FPGT: variants seen among roughly 807,000 people sequenced by gnomAD.
FPGT encodes fucose-1-phosphate guanylyltransferase, also known as GDP-L-fucose diphosphorylase.
A neutral mutation model predicts 45.8 loss-of-function variants in FPGT; 41 were observed. That is an observed-to-expected ratio of 0.90 (90% CI 0.70 to 1.16). The LOEUF (loss-of-function observed/expected upper bound fraction) is 1.16. Among genes scored for constraint, FPGT ranks in the 50% most tolerant of loss-of-function variants. FPGT has a pLI of 0.00. For synonymous variants in FPGT, 292 were observed against 247.2 expected (o/e 1.18, Z -1.70); for missense variants, 755 against 689.1 (o/e 1.10, Z -1.07).
chr1:74,207,886 A>G lies in FPGT; in HGVS notation c.*2054A>G, dbSNP rs1467784007. 6.6e-6 allele frequency among the ~76,000 whole-genome samples: 1 copy of G among 152,058 alleles called. No homozygotes were observed. The highest frequency in any genetic ancestry group is 1.5e-5 in the Non-Finnish European group (1 of 67,962). On this transcript the variant is annotated 3_prime_UTR_variant, in exon 4 of 4. Transcript: ENST00000370898. ...GTATTTTAACCTAATCTGAATTTTAATCATAATCCTGTACAATGCATGGAT... is the reference window on the plus strand; with the variant it reads ...GTATTTTAACCTAATCTGAATTTTAGTCATAATCCTGTACAATGCATGGAT...
chr1:74,198,411 T>G, intron 1 of FPGT, 51 bp downstream of exon 1: 1 of 1,603,984 alleles, frequency 6.2e-7, no homozygotes. Flanking sequence ...GGGAGGGTGC[T>G]TTTACGTGCC....
In FPGT at chr1:74,198,379, G is replaced by A. The variant is rs1651413912; in HGVS notation, c.82+19G>A. The A allele has an allele frequency of 6.2e-7, 1 of 1,613,940 alleles. No individual in the cohort carries two copies. Among genetic ancestry groups the A allele is most frequent in the South Asian group, 1.1e-5 (1 of 91,046 alleles). On this transcript the variant is annotated intron_variant, in intron 1 of 3. Coordinates refer to ENST00000370898, the MANE Select transcript of FPGT (RefSeq NM_003838.5). ...CTAAGAGGTACCAGAGAAGGCACCG[G>A]AGTTCTCCTGGGCAATGCAGAGGGA...
chr1:74,204,898 TA>T lies in FPGT; in HGVS notation c.852del (p.Leu284PhefsTer8). On this transcript the variant is annotated frameshift_variant, in exon 4 of 4. Coordinates refer to ENST00000370898, the MANE Select transcript of FPGT (RefSeq NM_003838.5). LOFTEE classifies it high-confidence loss of function. ...ATGGATCATAAATCAGCAAAAATGT[TA>T]CTTGCTTTTTATGAAAAAATAGGCA... ...FYMDHKSAKM[L>X]LAFYEKIGTL... The T allele has an allele frequency of 1.2e-6, 2 of 1,613,800 alleles. No homozygotes were observed. The highest frequency in any genetic ancestry group is 1.7e-6 in the Non-Finnish European group (2 of 1,179,870).
chr1:74,198,371 A>G lies in FPGT; in HGVS notation c.82+11A>G. ...TTTCCGAGCTAAGAGGTACCAGAGA[A>G]GGCACCGGAGTTCTCCTGGGCAATG... On this transcript the variant is annotated intron_variant, in intron 1 of 3. Transcript: ENST00000370898. The G allele has an allele frequency of 6.2e-7, 1 of 1,614,108 alleles. No homozygotes were observed. Among genetic ancestry groups the G allele is most frequent in the Non-Finnish European group, 8.5e-7 (1 of 1,179,998 alleles).
rs1243623155 is a variant in FPGT, at chr1:74,205,882, A to T, written c.*50A>T. ...TGCCTTTTTGAGTAACATTCCAGAGATAGGTATTTTTTGTAGGCTGTTTCA... is the reference window on the plus strand; with the variant it reads ...TGCCTTTTTGAGTAACATTCCAGAGTTAGGTATTTTTTGTAGGCTGTTTCA... On this transcript the variant is annotated 3_prime_UTR_variant, in exon 4 of 4. Coordinates refer to ENST00000370898, the MANE Select transcript of FPGT (RefSeq NM_003838.5). The T allele has an allele frequency of 9.3e-7, 1 of 1,071,478 alleles. No individual in the cohort carries two copies. The highest frequency in any genetic ancestry group is 2.3e-5 in the Admixed American group (1 of 43,524). 66.4% of individuals were successfully genotyped at this position (1,071,478 alleles called of 1,614,324 possible).
At chr1:74,199,538 C>A in intron 1 of FPGT, 126 bp from the exon 2 acceptor site, 1 of 1,062,572 alleles carries the variant, frequency 9.4e-7, no homozygotes, top group Non-Finnish European at 1.3e-6. Flanking sequence ...TTTCAAAAGC[C>A]AAAGATACAT....
chr1:74,207,952 A>G lies in FPGT; in HGVS notation c.*2120A>G, dbSNP rs542908399. 1.3e-5 allele frequency among the ~76,000 whole-genome samples: 2 copies of G among 152,120 alleles called. No individual in the cohort carries two copies. Among genetic ancestry groups the G allele is most frequent in the East Asian group, 1.9e-4 (1 of 5,166 alleles). ...ATGGTTCTGTTCAAAGGACTTATCA[A>G]TGTCTCTTGCTTTGAGATGTATTGC... is the stretch of plus-strand genomic sequence containing the variant. On this transcript the variant is annotated 3_prime_UTR_variant, in exon 4 of 4. Coordinates refer to ENST00000370898, the MANE Select transcript of FPGT (RefSeq NM_003838.5).
Position 74,198,341 on chromosome 1 carries a change from G to T in FPGT, c.63G>T (p.Arg21=), listed in dbSNP as rs571970784. Residue 21 remains arginine, a synonymous_variant, in exon 1 of 4, where the codon CGG becomes CGT. Transcript: ENST00000370898. The part of the protein sequence containing the change: ...SLREATQRKL[R]RFSELRGKLV... ...GAGAAGCCACCCAGCGAAAATTGCG[G>T]AGGTTTTCCGAGCTAAGAGGTACCA... The T allele has an allele frequency of 6.2e-7, 1 of 1,614,144 alleles. No individual in the cohort carries two copies. Among genetic ancestry groups the T allele is most frequent in the East Asian group, 2.2e-5 (1 of 44,876 alleles).
chr1:74,198,955 A>G (rs1017015223), intron 1 of FPGT, among the ~76,000 whole-genome samples: 1 of 152,192 alleles, frequency 6.6e-6, no homozygotes, highest in Non-Finnish European at 1.5e-5. Context: ...TAACAGTAAA[A>G]CTTTCAGGAC....
rs144537171 is a variant in FPGT at position 74,204,836 on chromosome 1, A to G, written c.789A>G (p.Leu263=). The G allele has an allele frequency of 6.8e-6, 11 of 1,613,656 alleles. No homozygotes were observed. The African/African-American group carries it at 1.1e-4, about 16-fold the overall frequency. ...GGGGTGACATTGCCGATCTTAAATTAGACTCTGACTATGTCTACACAGATA... is the reference window on the plus strand; with the variant it reads ...GGGGTGACATTGCCGATCTTAAATTGGACTCTGACTATGTCTACACAGATA... ...FAGGDIADLK[L]DSDYVYTDSL... is the part of the protein sequence containing the mutation. Residue 263 remains leucine, a synonymous_variant, in exon 4 of 4, where the codon TTA becomes TTG. Coordinates refer to ENST00000370898, the MANE Select transcript of FPGT (RefSeq NM_003838.5).
chr1:74,205,191 C>T lies in FPGT; in HGVS notation c.1144C>T (p.Gln382Ter). The part of the protein sequence containing the change: ...DNSLKSELGL[Q>*]SITFSIFPDI... ...CAGTTTAAAGTCAGAGCTCGGCTTA[C>T]AGTCCATAACTTTTAGTATCTTTCC... The change falls in exon 4 of 4, where the codon CAG becomes TAG. Residue 382 changes from glutamine to a stop codon, truncating the protein, a stop_gained. Transcript: ENST00000370898. LOFTEE classifies it high-confidence loss of function. 1.2e-6 allele frequency: 2 copies of T among 1,613,910 alleles called. No homozygotes were observed. Among genetic ancestry groups the T allele is most frequent in the African/African-American group, 1.3e-5 (1 of 75,044 alleles).
chr1:74,204,783 G>A lies in FPGT; in HGVS notation c.736G>A (p.Gly246Arg), dbSNP rs375088079. 6.2e-6 allele frequency: 10 copies of A among 1,613,652 alleles called. No homozygotes were observed. The highest frequency in any genetic ancestry group is 2.7e-5 in the African/African-American group (2 of 74,968). ...TCAGTTTAATGCTGTGTGTAGACCT[G>A]GAAATTTTTGTCAACAGGACTTTGC... The part of the protein sequence containing the change: ...MYQFNAVCRP[G>R]NFCQQDFAGG... The change falls in exon 4 of 4, where the codon GGA (glycine) becomes AGA (arginine). Residue 246 changes from glycine to arginine, a missense_variant. Transcript: ENST00000370898.
rs144818610 is a variant in FPGT at position 74,204,864 on chromosome 1, C to G, written c.817C>G (p.Leu273Val). ...LDSDYVYTDS[L>V]FYMDHKSAKM... ...CTCTGACTATGTCTACACAGATAGCCTATTTTATATGGATCATAAATCAGC... is the reference window on the plus strand; with the variant it reads ...CTCTGACTATGTCTACACAGATAGCGTATTTTATATGGATCATAAATCAGC... Residue 273 changes from leucine to valine, a missense_variant, in exon 4 of 4, where the codon CTA becomes GTA. Coordinates refer to ENST00000370898, the MANE Select transcript of FPGT (RefSeq NM_003838.5). 1 of 1,613,480 alleles carries G rather than the reference C, an allele frequency of 6.2e-7. No homozygotes were observed. Among genetic ancestry groups the G allele is most frequent in the African/African-American group, 1.3e-5 (1 of 74,878 alleles).
intron 3 of FPGT, 109 bp from the exon 4 acceptor site, chr1:74,204,282 C>T (rs896423460): frequency 1.1e-5 from 7 of 624,594 alleles, no homozygotes; most frequent in Admixed American, 2.9e-5. Context: ...TATTAAATAT[C>T]GTTAAATATA....
Position 74,205,724 on chromosome 1 carries a change from T to C in FPGT, c.1677T>C (p.Tyr559=). The stretch of plus-strand genomic sequence containing the variant: ...AGTCAGCATTCAGCCTGAATAGCTA[T>C]AAGTTGCTGTCCATTGAAGAAATGC... ...KNKSAFSLNS[Y]KLLSIEEMLI... is the part of the protein sequence containing the mutation. Residue 559 remains tyrosine, a synonymous_variant, in exon 4 of 4, where the codon TAT becomes TAC. Coordinates refer to ENST00000370898, the MANE Select transcript of FPGT (RefSeq NM_003838.5). The C allele has an allele frequency of 6.2e-7, 1 of 1,607,742 alleles. No homozygotes were observed. The highest frequency in any genetic ancestry group is 8.5e-7 in the Non-Finnish European group (1 of 1,174,208).
Position 74,208,498 on chromosome 1 carries a change from A to G in FPGT, c.*2666A>G, listed in dbSNP as rs1230582493. Among the ~76,000 whole-genome samples, 1 of 152,092 alleles carries G rather than the reference A, an allele frequency of 6.6e-6. No homozygotes were observed. The highest frequency in any genetic ancestry group is 6.6e-5 in the Admixed American group (1 of 15,252). Reference sequence around the variant, plus strand: ...ATTTTTATGAAATCATGGCACTTACATCATATACTCAGGTGTGTAAAAGCC... The same window carrying G: ...ATTTTTATGAAATCATGGCACTTACGTCATATACTCAGGTGTGTAAAAGCC... On this transcript the variant is annotated 3_prime_UTR_variant, in exon 4 of 4. Coordinates refer to ENST00000370898, the MANE Select transcript of FPGT (RefSeq NM_003838.5).
At chr1:74,199,862 A>G (rs1651619554) in intron 2 of FPGT, 31 bp downstream of exon 2, 2 of 1,609,218 alleles carry the variant, frequency 1.2e-6, no homozygotes, top group Non-Finnish European at 1.7e-6. Context: ...TTTATAATAT[A>G]GGTCCTAAGC....
chr1:74,199,755 A>G lies in FPGT; in HGVS notation c.174A>G (p.Ser58=). Residue 58 remains serine (S), a synonymous_variant, in exon 2 of 4, where the codon TCA becomes TCG. Transcript: ENST00000370898. ...AACTTGCTTACAACCAACAGCTGTC[A>G]GAAAAGCTGAAAAGAAAGGAGTTAC... ...KQELAYNQQL[S]EKLKRKELPL... 1 of 1,614,198 alleles carries G rather than the reference A, an allele frequency of 6.2e-7. No individual in the cohort carries two copies. Among genetic ancestry groups the G allele is most frequent in the Non-Finnish European group, 8.5e-7 (1 of 1,180,028 alleles).
In FPGT at chr1:74,204,041, C is replaced by CA. The variant is rs71678137; in HGVS notation, c.344-337dup. On this transcript the variant is annotated intron_variant, in intron 3 of 3. Coordinates refer to ENST00000370898, the MANE Select transcript of FPGT (RefSeq NM_003838.5). ...CCTGGGTGACAGTAAGACTTCATCTCAAAAAAAAAAAAACAAATGTAGATG... is the reference window on the plus strand; with the variant it reads ...CCTGGGTGACAGTAAGACTTCATCTCAAAAAAAAAAAAAACAAATGTAGATG... Among the ~76,000 whole-genome samples the CA allele has an allele frequency of 3.7e-3, 511 of 137,988 alleles. 5 individuals carry two copies. The highest frequency in any genetic ancestry group is 0.012 in the African/African-American group (436 of 36,148). The allele number at this position is 137,988 out of a possible 152,430, so 90.5% of individuals were successfully genotyped here.
Sources: gnomAD v4.1 joint callset for allele counts (sites outside exome capture counted in the v4.1 genomes callset) on GRCh38, gnomAD v4.1.1 for gene constraint, MANE v1.5 for transcripts, NCBI Gene and HGNC (gene_info 2026-07-23, HGNC 2026-07-21) for gene names.